Variants in ODAD2 observed in about 807,000 individuals in gnomAD.
ODAD2 encodes outer dynein arm-docking complex subunit 2.
In ODAD2, 89 loss-of-function variants were observed where a neutral mutation model predicts 106.8. The observed-to-expected ratio is 0.83, with a 90% CI of 0.70 to 0.99. ODAD2 has a LOEUF of 0.99. Among genes scored for constraint, ODAD2 ranks in the 50% least tolerant of loss-of-function variants. ODAD2 has a pLI of 0.00. For synonymous variants in ODAD2, 404 were observed against 436.2 expected (o/e 0.93, Z 0.92); for missense variants, 1,168 against 1,238.5 (o/e 0.94, Z 0.85).
At chr10:27,824,538 A>T (rs187710143) in intron 19 of ODAD2, among the ~76,000 whole-genome samples, 3 of 152,134 alleles carry the variant, frequency 2.0e-5, no homozygotes, top group East Asian at 1.9e-4. Context: ...GTGAGAAATA[A>T]TTTTTTTTCC....
chr10:27,978,295 A>T (rs1230925590), intron 7 of ODAD2, among the ~76,000 whole-genome samples: 6 of 152,256 alleles, frequency 3.9e-5, no homozygotes, highest in Admixed American at 2.0e-4. Flanking sequence ...AAGGCCTCCA[A>T]AGAGGGGAAA....
intron 7 of ODAD2, among the ~76,000 whole-genome samples, chr10:27,976,225 G>A (rs577244761): frequency 6.6e-6 from 1 of 152,102 alleles, no homozygotes; most frequent in African/African-American, 2.4e-5. Flanking sequence ...TTTTTTACTG[G>A]TGATTCCAGC....
intron 19 of ODAD2, among the ~76,000 whole-genome samples, chr10:27,854,138 T>C (rs1411162139): frequency 1.3e-5 from 2 of 152,168 alleles, no homozygotes; most frequent in Non-Finnish European, 2.9e-5. Flanking sequence ...TCCACATCAT[T>C]AATCATTAGA....
intron 10 of ODAD2, among the ~76,000 whole-genome samples, chr10:27,959,253 A>G (rs1224981218): frequency 1.4e-5 from 2 of 142,484 alleles, no homozygotes; most frequent in African/African-American, 5.5e-5. Flanking sequence ...AGGAAGAAAG[A>G]AGGAAAGAAA....
intron 19 of ODAD2, among the ~76,000 whole-genome samples, chr10:27,829,213 G>C (rs1837291538): frequency 6.6e-6 from 1 of 152,068 alleles, no homozygotes; most frequent in African/African-American, 2.4e-5. Flanking sequence ...ATAAAGTACA[G>C]GGCTGGAAAG....
At chr10:27,936,909 A>G in intron 14 of ODAD2, 29 bp from the exon 15 acceptor site, 1 of 1,573,986 alleles carries the variant, frequency 6.4e-7, no homozygotes, top group Non-Finnish European at 8.6e-7. Flanking sequence ...AGAGGCTGTC[A>G]GTCATCAAGG....
chr10:27,840,478 A>G (rs1187073839), intron 19 of ODAD2, among the ~76,000 whole-genome samples: 1 of 152,214 alleles, frequency 6.6e-6, no homozygotes, highest in Non-Finnish European at 1.5e-5. Context: ...CTTGGAAGCC[A>G]TCTTGTAAAG....
chr10:27,924,321 A>T (rs918804706), intron 16 of ODAD2, among the ~76,000 whole-genome samples: 3 of 151,814 alleles, frequency 2.0e-5, no homozygotes, highest in African/African-American at 7.3e-5. Flanking sequence ...TGAAATTAAG[A>T]CACTTCTAAA....
intron 17 of ODAD2, among the ~76,000 whole-genome samples, chr10:27,866,571 G>A (rs1840453498): frequency 6.6e-6 from 1 of 152,066 alleles, no homozygotes; most frequent in South Asian, 2.1e-4. Flanking sequence ...AGTTTATTTG[G>A]CTTATGGTTC....
intron 19 of ODAD2, among the ~76,000 whole-genome samples, chr10:27,832,463 T>C (rs1179534265): frequency 6.6e-6 from 1 of 152,172 alleles, no homozygotes; most frequent in Non-Finnish European, 1.5e-5. Context: ...TTGTCCCTTG[T>C]ATCGCAGCCA....
intron 19 of ODAD2, among the ~76,000 whole-genome samples, chr10:27,849,390 C>T (rs1249050110): frequency 5.0e-5 from 6 of 119,254 alleles, no homozygotes; most frequent in Admixed American, 2.0e-4. Context: ...CATCACATAC[C>T]GGGGCCTGTC....
rs1354846563 is a variant in ODAD2, at chr10:27,860,614, T to C, written c.3021+11A>G. 1 of 1,611,770 alleles carries C rather than the reference T, an allele frequency of 6.2e-7. No homozygotes were observed. Among genetic ancestry groups the C allele is most frequent in the Non-Finnish European group, 8.5e-7 (1 of 1,178,452 alleles). ...AAACTTGGACTAAACCACAAAGTCA[T>C]TCAACTGTACCTTTACTGCACCATT... On this transcript the variant is annotated intron_variant, in intron 19 of 19. Coordinates refer to ENST00000305242, the MANE Select transcript of ODAD2 (RefSeq NM_018076.5).
rs1000254224 is a variant in ODAD2, at chr10:27,824,035, G to A, written c.3022-11410C>T. ...GGCGCCTGTAGTCCCAGCTACTCGG[G>A]AGGCTGAGGCAGGAGAATGGCGTGA... On this transcript the variant is annotated intron_variant, in intron 19 of 19. Coordinates refer to ENST00000305242, the MANE Select transcript of ODAD2 (RefSeq NM_018076.5). 5.9e-5 allele frequency among the ~76,000 whole-genome samples: 8 copies of A among 136,282 alleles called. 1 individual carries two copies. Among genetic ancestry groups the A allele is most frequent in the Non-Finnish European group, 9.0e-5 (6 of 66,474 alleles). The allele number at this position is 136,282 out of a possible 152,430, so 89.4% of individuals were successfully genotyped here. A position where few individuals can be genotyped will look rare whatever the true frequency, so the allele number is the denominator to read the frequency against.
At chr10:27,910,281 A>T (rs1321093320) in intron 16 of ODAD2, among the ~76,000 whole-genome samples, 2 of 152,172 alleles carry the variant, frequency 1.3e-5, no homozygotes, top group African/African-American at 4.8e-5. Flanking sequence ...AGCGCTTGTT[A>T]AACGATTCTC....
intron 10 of ODAD2, among the ~76,000 whole-genome samples, chr10:27,955,726 TGTGTGTGTGTGTG>T (rs1325863807): frequency 1.3e-5 from 2 of 151,612 alleles, no homozygotes; most frequent in Non-Finnish European, 2.9e-5. Flanking sequence ...TGTGTGTGTG[TGTGTGTGTGTGTG>T]TGTTTAATCA....
chr10:27,955,844 C>G (rs1256159304), intron 10 of ODAD2, among the ~76,000 whole-genome samples: 1 of 151,942 alleles, frequency 6.6e-6, no homozygotes, highest in Admixed American at 6.6e-5. Flanking sequence ...GAATCCACCT[C>G]CAGAGAAGAA....
chr10:27,890,217 A>G (rs1842470520), intron 17 of ODAD2, among the ~76,000 whole-genome samples: 8 of 152,186 alleles, frequency 5.3e-5, no homozygotes. Flanking sequence ...TGCTTAAGCA[A>G]GTGAACTGGA....
At chr10:27,820,069 T>A (rs1347550204) in intron 19 of ODAD2, among the ~76,000 whole-genome samples, 1 of 152,144 alleles carries the variant, frequency 6.6e-6, no homozygotes, top group African/African-American at 2.4e-5. Flanking sequence ...TGGTGTTATT[T>A]CCTGGAGGCC....
intron 17 of ODAD2, among the ~76,000 whole-genome samples, chr10:27,889,559 T>C (rs1003622950): frequency 5.3e-5 from 8 of 152,174 alleles, no homozygotes; most frequent in African/African-American, 1.9e-4. Flanking sequence ...CTCATGGGTC[T>C]CTACTGGTGG....
Sources: gnomAD v4.1 joint callset for allele counts (sites outside exome capture counted in the v4.1 genomes callset) on GRCh38, gnomAD v4.1.1 for gene constraint, MANE v1.5 for transcripts, NCBI Gene and HGNC (gene_info 2026-07-23, HGNC 2026-07-21) for gene names.